Variants in WDFY1 observed in about 807,000 individuals in gnomAD.
WDFY1 encodes the protein WD repeat and FYVE domain containing 1.
Under a neutral mutation model 56.4 loss-of-function variants are expected in WDFY1, and 32 were observed. The ratio of observed to expected loss-of-function variants is 0.57; its 90% CI spans 0.43 to 0.76. WDFY1 has a LOEUF of 0.76. Among genes scored for constraint, WDFY1 ranks in the 30% least tolerant of loss-of-function variants. The pLI is 0.00. For missense variants in WDFY1, 480 were observed against 545.7 expected (o/e 0.88, Z 1.20); for synonymous variants, 192 against 197.3 (o/e 0.97, Z 0.23).
chr2:223,921,920 G>T (rs574032312), intron 1 of WDFY1, among the ~76,000 whole-genome samples: 2 of 152,332 alleles, frequency 1.3e-5, no homozygotes, highest in South Asian at 2.1e-4. Flanking sequence ...TCTCACAGGA[G>T]TAGTGGACTC....
intron 5 of WDFY1, 140 bp from the exon 6 acceptor site, chr2:223,899,210 TAAC>T: frequency 1.7e-6 from 1 of 605,640 alleles, no homozygotes; most frequent in South Asian, 2.3e-5. Context: ...CGTAAAACTA[TAAC>T]AAGAAAGGAA....
intron 4 of WDFY1, among the ~76,000 whole-genome samples, chr2:223,902,328 C>T (rs1369875335): frequency 6.6e-6 from 1 of 152,064 alleles, no homozygotes; most frequent in Non-Finnish European, 1.5e-5. Context: ...TTTGGGAGGC[C>T]GAGGCAGGAG....
rs139090077 is a variant in WDFY1 at position 223,930,713 on chromosome 2, C to G, written c.138-12703G>C. On this transcript the variant is annotated intron_variant, in intron 1 of 11. Transcript: ENST00000233055. ...GTACTGGGTCCTGAGGCCTGGTTTG[C>G]TCTCACTCTGTGTCTTGGAAGACTG... 1.2e-3 allele frequency among the ~76,000 whole-genome samples: 182 copies of G among 152,324 alleles called. 1 individual carries two copies. Among genetic ancestry groups the G allele is most frequent in the East Asian group, 5.8e-3 (30 of 5,180 alleles).
At chr2:223,901,078 G>T in intron 5 of WDFY1, 105 bp downstream of exon 5, 2 of 1,371,206 alleles carry the variant, frequency 1.5e-6, no homozygotes, top group Non-Finnish European at 9.7e-7. Context: ...AACTTAAATA[G>T]GTTTCATTCA....
In WDFY1 at chr2:223,878,716, T is replaced by C. The variant is rs139287584; in HGVS notation, c.1188A>G (p.Thr396=). Residue 396 remains threonine, a synonymous_variant, in exon 12 of 12, where the codon ACA becomes ACG. Coordinates refer to ENST00000233055, the MANE Select transcript of WDFY1 (RefSeq NM_020830.5). ...TDRIVKIWDM[T]PVVGCSLATG... is the part of the protein sequence containing the mutation. ...TCGCCAGACTGCAGCCCACCACAGG[T>C]GTCATGTCCCAGATCTACAAGGAAG... The C allele has an allele frequency of 3.6e-3, 5,743 of 1,613,682 alleles. 14 individuals are homozygous for C. Among genetic ancestry groups the C allele is most frequent in the Non-Finnish European group, 4.3e-3 (5,062 of 1,179,906 alleles).
intron 4 of WDFY1, among the ~76,000 whole-genome samples, chr2:223,905,151 C>G (rs1693575192): frequency 6.6e-6 from 1 of 152,132 alleles, no homozygotes; most frequent in Non-Finnish European, 1.5e-5. Context: ...TATGAGGCAG[C>G]CATGTTGTGA....
chr2:223,930,329 TGA>T (rs1453332834), intron 1 of WDFY1, among the ~76,000 whole-genome samples: 1 of 152,246 alleles, frequency 6.6e-6, no homozygotes, highest in Non-Finnish European at 1.5e-5. Flanking sequence ...TATATTTCTC[TGA>T]GCCTTGTTTT....
At chr2:223,906,145 G>A (rs775292486) in intron 3 of WDFY1, 144 bp from the exon 4 acceptor site, 36 of 611,486 alleles carry the variant, frequency 5.9e-5, no homozygotes, top group Admixed American at 1.4e-4. Context: ...GGAATGATAT[G>A]AATTGCTTCT....
intron 2 of WDFY1, among the ~76,000 whole-genome samples, chr2:223,916,976 G>A (rs915693452): frequency 2.0e-5 from 3 of 151,932 alleles, no homozygotes; most frequent in Non-Finnish European, 2.9e-5. Context: ...CACCATGCCC[G>A]GCTAATTTTG....
intron 1 of WDFY1, among the ~76,000 whole-genome samples, chr2:223,926,962 C>T (rs560307662): frequency 6.6e-6 from 1 of 152,308 alleles, no homozygotes; most frequent in Admixed American, 6.5e-5. Context: ...GCCACCGTTT[C>T]CGGCCAACAA....
At chr2:223,913,126 T>C (rs1693732136) in intron 2 of WDFY1, among the ~76,000 whole-genome samples, 1 of 149,944 alleles carries the variant, frequency 6.7e-6, no homozygotes, top group Admixed American at 6.7e-5. Context: ...ATGCCTGTAA[T>C]CTCAGCACTT....
chr2:223,880,940 C>A (rs964917023), intron 10 of WDFY1, among the ~76,000 whole-genome samples: 1 of 152,198 alleles, frequency 6.6e-6, no homozygotes, highest in African/African-American at 2.4e-5. Context: ...ACAGCACCCG[C>A]TTCAAAGCCC....
At chr2:223,914,372 C>T (rs969607806) in intron 2 of WDFY1, among the ~76,000 whole-genome samples, 5 of 152,200 alleles carry the variant, frequency 3.3e-5, no homozygotes, top group African/African-American at 1.2e-4. Flanking sequence ...CACCAGAAGG[C>T]CAAATTCAGC....
chr2:223,889,489 T>C (rs1329866282), intron 8 of WDFY1, among the ~76,000 whole-genome samples: 3 of 152,170 alleles, frequency 2.0e-5, no homozygotes, highest in Non-Finnish European at 4.4e-5. Flanking sequence ...GGTGGGTTTT[T>C]CCCATGCTAT....
chr2:223,884,859 C>CTTCT (rs60759568), intron 8 of WDFY1, 110 bp from the exon 9 acceptor site: 250,405 of 667,014 alleles, frequency 0.38, 32,628 homozygotes, highest in African/African-American at 0.59. Flanking sequence ...TTCTTTTCTT[C>CTTCT]TTTTTTTTTT....
chr2:223,884,859 C>CTTCTTTTTTT (rs60759568), intron 8 of WDFY1, 110 bp from the exon 9 acceptor site: 2 of 689,710 alleles, frequency 2.9e-6, no homozygotes, highest in African/African-American at 2.0e-5. Flanking sequence ...TTCTTTTCTT[C>CTTCTTTTTTT]TTTTTTTTTT....
At position 223,876,199 on chromosome 2, in the gene WDFY1, A is replaced by G. The variant is rs1692967811; in HGVS notation, c.*2472T>C. The G allele has an allele frequency of 6.6e-6, 1 of 152,548 alleles. No individual in the cohort carries two copies. The highest frequency in any genetic ancestry group is 2.1e-4 in the South Asian group (1 of 4,826). 9.4% of individuals were successfully genotyped at this position (152,548 alleles called of 1,614,324 possible). A position where few individuals can be genotyped will look rare whatever the true frequency, so the allele number is the denominator to read the frequency against. On this transcript the variant is annotated 3_prime_UTR_variant, in exon 12 of 12. Coordinates refer to ENST00000233055, the MANE Select transcript of WDFY1 (RefSeq NM_020830.5). ...TGTAAATATAAGGATCTTCTCTAAT[A>G]GTCTGTATTCCTTAATCCCTATCTG...
At chr2:223,894,183 AG>A in intron 8 of WDFY1, 50 bp downstream of exon 8, 1 of 1,593,442 alleles carries the variant, frequency 6.3e-7, no homozygotes, top group Non-Finnish European at 8.6e-7. Flanking sequence ...AGAAGAAGCC[AG>A]GTTCCTGGGG....
At chr2:223,884,912 G>A (rs2106071905) in intron 8 of WDFY1, among the ~76,000 whole-genome samples, 163 bp from the exon 9 acceptor site, 1 of 147,114 alleles carries the variant, frequency 6.8e-6, no homozygotes, top group African/African-American at 2.5e-5. Flanking sequence ...TGTGATCTTG[G>A]CTCACTGCAA....
Sources: gnomAD v4.1 joint callset for allele counts (sites outside exome capture counted in the v4.1 genomes callset) on GRCh38, gnomAD v4.1.1 for gene constraint, MANE v1.5 for transcripts, NCBI Gene and HGNC (gene_info 2026-07-23, HGNC 2026-07-21) for gene names.